PLLP: variants seen among roughly 807,000 people sequenced by gnomAD.
PLLP encodes the protein plasma membrane proteolipid (plasmolipin).
A neutral mutation model predicts 19.7 loss-of-function variants in PLLP; 15 were observed. The observed-to-expected ratio is 0.76, with a 90% CI of 0.51 to 1.17. PLLP has a LOEUF of 1.17. PLLP is among the 50% of genes most tolerant of loss of function. The pLI, the probability that PLLP is intolerant of heterozygous loss-of-function variation, is 0.00. For missense variants in PLLP, 255 were observed against 258.3 expected (o/e 0.99, Z 0.09); for synonymous variants, 111 against 116.3 (o/e 0.95, Z 0.29).
Position 57,262,038 on chromosome 16 carries a change from C to A in PLLP, c.168G>T (p.Ala56=), listed in dbSNP as rs781310818. The A allele has an allele frequency of 6.2e-7, 1 of 1,614,168 alleles. No individual in the cohort carries two copies. The highest frequency in any genetic ancestry group is 1.1e-5 in the South Asian group (1 of 91,078). ...CCGGATACAGGTGGTACGGGGTGTC[C>A]GCAATCAGCGCCCACACCAGCAGCC... is the stretch of plus-strand genomic sequence containing the variant. ...VLGLLVWALI[A]DTPYHLYPAY... is the part of the protein sequence containing the mutation. Residue 56 remains alanine, a synonymous_variant, in exon 2 of 4, where the codon GCG becomes GCT. Coordinates refer to ENST00000219207, the MANE Select transcript of PLLP (RefSeq NM_015993.3).
chr16:57,264,136 C>T (rs1403287584), intron 1 of PLLP, among the ~76,000 whole-genome samples: 3 of 152,084 alleles, frequency 2.0e-5, no homozygotes, highest in African/African-American at 4.8e-5. Context: ...GCAACCTCGT[C>T]GAGGACCAGA....
chr16:57,277,154 T>C (rs1901163887), intron 1 of PLLP, among the ~76,000 whole-genome samples: 1 of 152,192 alleles, frequency 6.6e-6, no homozygotes, highest in South Asian at 2.1e-4. Context: ...ATAGGTCTCC[T>C]TAAAGAAAGT....
intron 3 of PLLP, among the ~76,000 whole-genome samples, chr16:57,258,054 C>T (rs2075431251): frequency 6.6e-6 from 1 of 151,840 alleles, no homozygotes; most frequent in Non-Finnish European, 1.5e-5. Flanking sequence ...GAGACTCCAT[C>T]TCCAAAAAAA....
At chr16:57,275,090 A>G (rs1310887291) in intron 1 of PLLP, among the ~76,000 whole-genome samples, 2 of 110,888 alleles carry the variant, frequency 1.8e-5, no homozygotes, top group African/African-American at 8.4e-5. Context: ...GTCTCCAGGG[A>G]CTTCACACAC....
rs758709401 is a variant in PLLP, at chr16:57,284,419, A to T, written c.122T>A (p.Met41Lys). 4.2e-6 allele frequency: 6 copies of T among 1,423,604 alleles called. No homozygotes were observed. In the East Asian group the frequency reaches 1.5e-4, roughly 35 times the overall value. The allele number at this position is 1,423,604 out of a possible 1,614,324, so 88.2% of individuals were successfully genotyped here. A position where few individuals can be genotyped will look rare whatever the true frequency, so the allele number is the denominator to read the frequency against. ...GFVRSRLGAL[M>K]LLQLVLGLLV... Reference sequence around the variant, plus strand: ...GCGTGCTCTCACCAGCTGCAGCAGCATGAGCGCCCCGAGGCGGGAGCGCAC... The same window carrying T: ...GCGTGCTCTCACCAGCTGCAGCAGCTTGAGCGCCCCGAGGCGGGAGCGCAC... The change falls in exon 1 of 4, where the codon ATG becomes AAG. Residue 41 changes from methionine (M) to lysine (K), a missense_variant. Transcript: ENST00000219207.
At chr16:57,274,122 G>A (rs1597964111) in intron 1 of PLLP, among the ~76,000 whole-genome samples, 1 of 151,958 alleles carries the variant, frequency 6.6e-6, no homozygotes, top group Admixed American at 6.6e-5. Context: ...CAAGAGCTGG[G>A]ACAGGCGCAC....
chr16:57,284,223 G>A (rs11644185), intron 1 of PLLP, among the ~76,000 whole-genome samples, 183 bp downstream of exon 1: 14,946 of 152,178 alleles, frequency 0.098, 920 homozygotes, highest in Non-Finnish European at 0.14. Flanking sequence ...AGGGATGCAG[G>A]GCGATCTTGG....
chr16:57,273,962 G>A (rs181502651), intron 1 of PLLP, among the ~76,000 whole-genome samples: 9 of 152,282 alleles, frequency 5.9e-5, no homozygotes, highest in Middle Eastern at 3.4e-3. Flanking sequence ...CACCTTCATA[G>A]CTTTTGCCAT....
At chr16:57,267,734 C>A (rs1223080021) in intron 1 of PLLP, among the ~76,000 whole-genome samples, 1 of 151,602 alleles carries the variant, frequency 6.6e-6, no homozygotes, top group African/African-American at 2.4e-5. Context: ...AAAAAATTAG[C>A]CAGGCATGGT....
intron 1 of PLLP, among the ~76,000 whole-genome samples, chr16:57,273,654 G>C (rs1376109296): frequency 6.6e-6 from 1 of 152,234 alleles, no homozygotes; most frequent in Non-Finnish European, 1.5e-5. Flanking sequence ...CAACAGCCAT[G>C]GGGATCTGTC....
intron 1 of PLLP, among the ~76,000 whole-genome samples, chr16:57,282,651 G>T (rs1567533986): frequency 2.0e-5 from 3 of 152,092 alleles, no homozygotes; most frequent in Non-Finnish European, 4.4e-5. Context: ...GTAGCTCGCA[G>T]AAGTTACACA....
intron 1 of PLLP, among the ~76,000 whole-genome samples, chr16:57,268,984 AC>A (rs2146444015): frequency 6.6e-6 from 1 of 152,298 alleles, no homozygotes; most frequent in South Asian, 2.1e-4. Flanking sequence ...ATAAGGACCC[AC>A]GTCAGTGCCA....
chr16:57,261,526 G>A (rs1488182545), intron 2 of PLLP, among the ~76,000 whole-genome samples: 18 of 152,022 alleles, frequency 1.2e-4, no homozygotes, highest in African/African-American at 4.4e-4. Context: ...AGACCAGCCT[G>A]GGAAATAAAG....
rs573353743 is a variant in PLLP at position 57,258,632 on chromosome 16, CAA to C, written c.310-50_310-49del. ...GTGGGGAGAGAAAAGGCTTAAGACACAAAGAGAGGCCAGACACGGTGGTTCAC... is the reference window on the plus strand; with the variant it reads ...GTGGGGAGAGAAAAGGCTTAAGACACAGAGAGGCCAGACACGGTGGTTCAC... On this transcript the variant is annotated intron_variant, in intron 2 of 3. Transcript: ENST00000219207. 4.1e-5 allele frequency: 65 copies of C among 1,595,180 alleles called. 1 individual carries two copies. In the South Asian group the frequency reaches 6.3e-4, roughly 15 times the overall value.
intron 2 of PLLP, among the ~76,000 whole-genome samples, chr16:57,260,861 A>G (rs926572726): frequency 6.6e-6 from 1 of 152,178 alleles, no homozygotes; most frequent in East Asian, 1.9e-4. Flanking sequence ...TGTCCTGCAC[A>G]CTTGAGGCCC....
chr16:57,284,006 A>C (rs1365070445), intron 1 of PLLP, among the ~76,000 whole-genome samples: 1 of 152,022 alleles, frequency 6.6e-6, no homozygotes, highest in Non-Finnish European at 1.5e-5. Context: ...TCCGGGCAGA[A>C]AGAGGGGTGA....
At chr16:57,269,879 C>T (rs2075468853) in intron 1 of PLLP, among the ~76,000 whole-genome samples, 1 of 152,152 alleles carries the variant, frequency 6.6e-6, no homozygotes, top group African/African-American at 2.4e-5. Flanking sequence ...CATTCTCCTG[C>T]CTCAGACTCC....
At chr16:57,257,070 A>T (rs1351416603) in intron 3 of PLLP, 41 bp from the exon 4 acceptor site, 2 of 1,398,968 alleles carry the variant, frequency 1.4e-6, no homozygotes, top group South Asian at 2.3e-5. Flanking sequence ...CGAGAGGGTG[A>T]CAGTGACACA....
intron 2 of PLLP, among the ~76,000 whole-genome samples, chr16:57,259,223 G>A (rs1187406890): frequency 2.0e-5 from 3 of 152,180 alleles, no homozygotes; most frequent in Non-Finnish European, 4.4e-5. Flanking sequence ...CCCAATCCAT[G>A]ACCCATCTCT....
Sources: gnomAD v4.1 joint callset for allele counts (sites outside exome capture counted in the v4.1 genomes callset) on GRCh38, gnomAD v4.1.1 for gene constraint, MANE v1.5 for transcripts, NCBI Gene and HGNC (gene_info 2026-07-23, HGNC 2026-07-21) for gene names.